NPHP3: variants seen among roughly 807,000 people sequenced by gnomAD.
NPHP3 encodes the protein nephrocystin-3.
In NPHP3, 123 loss-of-function variants were observed where a neutral mutation model predicts 171.9. That is an observed-to-expected ratio of 0.72 (90% CI 0.62 to 0.83). The LOEUF (loss-of-function observed/expected upper bound fraction) is 0.83, where lower values mean the gene tolerates loss of function less well. Among genes scored for constraint, NPHP3 ranks in the 40% least tolerant of loss-of-function variants. The probability of loss-of-function intolerance (pLI) is 0.00; values close to 1 mark genes in which losing one functional copy is unlikely to be tolerated. For missense variants in NPHP3, 1,506 were observed against 1,591.9 expected (o/e 0.95, Z 0.92); for synonymous variants, 558 against 579.2 (o/e 0.96, Z 0.52).
At chr3:132,705,927 TA>T in intron 7 of NPHP3, 113 bp from the exon 8 acceptor site, 1 of 626,478 alleles carries the variant, frequency 1.6e-6, no homozygotes, top group Non-Finnish European at 2.9e-6. Context: ...ATTTAACACA[TA>T]TTAGCTAATT....
intron 13 of NPHP3, 46 bp from the exon 14 acceptor site, chr3:132,697,408 G>T: frequency 8.2e-7 from 1 of 1,220,458 alleles, no homozygotes. Flanking sequence ...AATACAACAA[G>T]AACTGTAATT....
chr3:132,696,119 CT>C (rs11287660), intron 15 of NPHP3, among the ~76,000 whole-genome samples: 4,766 of 145,360 alleles, frequency 0.033, 181 homozygotes, highest in African/African-American at 0.094. Flanking sequence ...ATGTATTAAT[CT>C]TTTTTTTTTT....
intron 6 of NPHP3, among the ~76,000 whole-genome samples, chr3:132,712,796 T>TATGA (rs1294874916): frequency 1.3e-5 from 2 of 151,678 alleles, no homozygotes; most frequent in African/African-American, 2.4e-5. Flanking sequence ...TTTATATATA[T>TATGA]ATGAATGAAT....
intron 26 of NPHP3, chr3:132,682,389 A>G (rs1939053129): frequency 3.6e-6 from 2 of 549,384 alleles, no homozygotes; most frequent in Non-Finnish European, 6.5e-6. Flanking sequence ...TGAGCAAGCA[A>G]AAGTCAACAT....
intron 6 of NPHP3, among the ~76,000 whole-genome samples, chr3:132,708,763 C>T (rs1485014486): frequency 5.3e-5 from 8 of 152,126 alleles, no homozygotes; most frequent in African/African-American, 1.9e-4. Context: ...TAATTTGACC[C>T]GCCTCCCTTC....
intron 7 of NPHP3, among the ~76,000 whole-genome samples, chr3:132,706,905 G>A (rs1004534046): frequency 1.3e-5 from 2 of 152,086 alleles, no homozygotes; most frequent in East Asian, 3.8e-4. Flanking sequence ...TAATAAAAAT[G>A]CACTTCCTTT....
At chr3:132,700,526 T>A in intron 10 of NPHP3, 78 bp from the exon 11 acceptor site, 2 of 824,972 alleles carry the variant, frequency 2.4e-6, no homozygotes, top group African/African-American at 1.7e-5. Flanking sequence ...CACAATGCAG[T>A]AAACATCAAA....
In NPHP3 at chr3:132,683,538, G is replaced by A. The variant is rs1035152674; in HGVS notation, c.3571-14C>T. The A allele has an allele frequency of 1.9e-6, 3 of 1,605,946 alleles. No individual in the cohort carries two copies. The highest frequency in any genetic ancestry group is 2.6e-6 in the Non-Finnish European group (3 of 1,173,806). On this transcript the variant is annotated splice_polypyrimidine_tract_variant and intron_variant, in intron 24 of 26. Coordinates refer to ENST00000337331, the MANE Select transcript of NPHP3 (RefSeq NM_153240.5). The stretch of plus-strand genomic sequence containing the variant: ...GTCAAGTTTCCCCTAAAAAACAAGA[G>A]TTAAATCTAACAAAAATATAAGGCA...
rs1940056724 is a variant in NPHP3, at chr3:132,716,541, C to A, written c.823+216G>T. On this transcript the variant is annotated intron_variant, in intron 4 of 26. Coordinates refer to ENST00000337331, the MANE Select transcript of NPHP3 (RefSeq NM_153240.5). ...AACACAGTTACTAGAACCTGGCTGG[C>A]CAGGTTGGCAGGAGTACCATCTGAT... is the stretch of plus-strand genomic sequence containing the variant. Among the ~76,000 whole-genome samples, 6 of 152,174 alleles carry A rather than the reference C, an allele frequency of 3.9e-5. No homozygotes were observed. The South Asian group carries it at 1.2e-3, about 32-fold the overall frequency.
chr3:132,721,151 C>T (rs562689255), intron 1 of NPHP3, among the ~76,000 whole-genome samples: 2 of 152,288 alleles, frequency 1.3e-5, no homozygotes, highest in South Asian at 4.1e-4. Context: ...CTCCTGACCT[C>T]AGGTGATCCG....
intron 7 of NPHP3, among the ~76,000 whole-genome samples, chr3:132,706,185 C>T (rs564761179): frequency 6.6e-6 from 1 of 151,998 alleles, no homozygotes; most frequent in African/African-American, 2.4e-5. Context: ...TGGTGAAACC[C>T]CATCTCTACT....
chr3:132,698,900 C>CA (rs947990658), intron 13 of NPHP3, among the ~76,000 whole-genome samples: 2 of 150,928 alleles, frequency 1.3e-5, no homozygotes, highest in African/African-American at 2.4e-5. Context: ...CCCCAAATCC[C>CA]TTTTTTTTTG....
In NPHP3 at chr3:132,700,384, T is replaced by A; in HGVS notation, c.1693A>T (p.Met565Leu). ...AAGGAGGACTCTGAGCTGGTTGACATGGGCCTTCCCACAAAATGGGAAAGA... is the reference window on the plus strand; with the variant it reads ...AAGGAGGACTCTGAGCTGGTTGACAAGGGCCTTCCCACAAAATGGGAAAGA... ...LILSHFVGRP[M>L]STSSESSLII... The change falls in exon 11 of 27, where the codon ATG becomes TTG. Residue 565 changes from methionine (M) to leucine (L), a missense_variant. By Grantham distance (15) the Met-to-Leu change is conservative. Around this residue, in one of 3 missense-constraint regions of NPHP3, gnomAD observed 930 missense variants for 924.9 expected, o/e 1.01. Coordinates refer to ENST00000337331, the MANE Select transcript of NPHP3 (RefSeq NM_153240.5). 1 of 1,613,654 alleles carries A rather than the reference T, an allele frequency of 6.2e-7. No individual in the cohort carries two copies. Among genetic ancestry groups the A allele is most frequent in the Non-Finnish European group, 8.5e-7 (1 of 1,179,598 alleles).
In NPHP3 at chr3:132,694,895, A is replaced by G. The variant is rs1939406377; in HGVS notation, c.2242T>C (p.Tyr748His). The change falls in exon 16 of 27, where the codon TAT becomes CAT. Residue 748 changes from tyrosine to histidine, a missense_variant. By Grantham distance (83) the Tyr-to-His change is moderately conservative (BLOSUM62 2). Coordinates refer to ENST00000337331, the MANE Select transcript of NPHP3 (RefSeq NM_153240.5). ...CGGATAGAGTGCAGAACAAGTCTAT[A>G]TAATGAAAGAGTATCTTGACACTGG... is the stretch of plus-strand genomic sequence containing the variant. ...CFQCQDTLSLYRLVLHSIRES... is the reference protein window; with the variant it reads ...CFQCQDTLSLHRLVLHSIRES... The G allele has an allele frequency of 6.2e-7, 1 of 1,613,616 alleles. No individual in the cohort carries two copies. The highest frequency in any genetic ancestry group is 1.3e-5 in the African/African-American group (1 of 74,918).
intron 11 of NPHP3, 29 bp downstream of exon 11, chr3:132,700,305 C>A (rs201549475): frequency 1.5e-5 from 22 of 1,477,840 alleles, no homozygotes; most frequent in Non-Finnish European, 1.9e-5. Context: ...AAATAAAATT[C>A]TGTAATTCCA....
chr3:132,712,745 G>A (rs1385047903), intron 6 of NPHP3, among the ~76,000 whole-genome samples: 1 of 151,034 alleles, frequency 6.6e-6, no homozygotes, highest in African/African-American at 2.4e-5. Context: ...CAGCCTGGAC[G>A]ACAGAGCAAG....
chr3:132,684,940 C>A (rs1418528930), intron 23 of NPHP3, 146 bp from the exon 24 acceptor site: 6 of 923,834 alleles, frequency 6.5e-6, no homozygotes, highest in Admixed American at 4.2e-5. Flanking sequence ...TACTTTCCCC[C>A]TCTTCCCCAC....
intron 1 of NPHP3, 69 bp from the exon 2 acceptor site, chr3:132,719,899 TATAC>T: frequency 8.0e-6 from 5 of 625,716 alleles, no homozygotes; most frequent in Non-Finnish European, 1.1e-5. Context: ...TTCTTATATA[TATAC>T]ATATATATAT....
At chr3:132,700,223 C>T (rs1560008335) in intron 11 of NPHP3, 111 bp downstream of exon 11, 1 of 1,182,212 alleles carries the variant, frequency 8.5e-7, no homozygotes, top group African/African-American at 1.5e-5. Context: ...TTATATAAAA[C>T]CAAAACAGGT....
Sources: gnomAD v4.1 joint callset for allele counts (sites outside exome capture counted in the v4.1 genomes callset) on GRCh38, gnomAD v4.1.1 for gene constraint, gnomAD v4.1.1 regional missense constraint, MANE v1.5 for transcripts, NCBI Gene and HGNC (gene_info 2026-07-23, HGNC 2026-07-21) for gene names.